The following KSR1 variants were observed in gnomAD, a reference collection of about 807,000 sequenced individuals.
The protein encoded by KSR1 is kinase suppressor of ras.
Under a neutral mutation model 92.9 loss-of-function variants are expected in KSR1, and 35 were observed. The observed-to-expected ratio is 0.38, with a 90% CI of 0.29 to 0.50. The LOEUF is 0.50. Among genes scored for constraint, KSR1 ranks in the 20% least tolerant of loss-of-function variants. The probability of loss-of-function intolerance (pLI) is 0.94; values close to 1 mark genes in which losing one functional copy is unlikely to be tolerated. For missense variants in KSR1, 972 were observed against 1,158.5 expected (o/e 0.84, Z 2.34); for synonymous variants, 467 against 472.6 (o/e 0.99, Z 0.15).
intron 1 of KSR1, among the ~76,000 whole-genome samples, chr17:27,498,908 T>C (rs2069084925): frequency 6.6e-6 from 1 of 152,168 alleles, no homozygotes; most frequent in African/African-American, 2.4e-5. Flanking sequence ...AAGGGCGGCA[T>C]GAGGCACTGA....
chr17:27,607,555 C>T (rs10853157), intron 14 of KSR1, among the ~76,000 whole-genome samples: 1 of 152,074 alleles, frequency 6.6e-6, no homozygotes, highest in South Asian at 2.1e-4. Context: ...CCTGTTGATG[C>T]CCTTAAATTA....
At chr17:27,460,032 G>A (rs1285421197) in intron 1 of KSR1, among the ~76,000 whole-genome samples, 3 of 152,114 alleles carry the variant, frequency 2.0e-5, no homozygotes. Context: ...AAGGGAGGGA[G>A]GCACAATTTG....
At chr17:27,590,696 G>C in intron 6 of KSR1, 115 bp from the exon 7 acceptor site, 3 of 906,428 alleles carry the variant, frequency 3.3e-6, no homozygotes, top group Non-Finnish European at 5.2e-6. Flanking sequence ...GGGCCAAGGG[G>C]CTCTGGGATG....
intron 1 of KSR1, among the ~76,000 whole-genome samples, chr17:27,503,359 C>T (rs2069258312): frequency 6.6e-6 from 1 of 152,092 alleles, no homozygotes; most frequent in African/African-American, 2.4e-5. Flanking sequence ...CACAGGACCT[C>T]CTGCAACAAA....
At chr17:27,602,376 A>T (rs1175101536) in intron 11 of KSR1, among the ~76,000 whole-genome samples, 1 of 152,220 alleles carries the variant, frequency 6.6e-6, no homozygotes, top group Non-Finnish European at 1.5e-5. Context: ...TCCCCTGGTT[A>T]CTAGCTCTAG....
intron 2 of KSR1, among the ~76,000 whole-genome samples, chr17:27,568,091 G>A (rs2072158214): frequency 6.6e-6 from 1 of 152,194 alleles, no homozygotes; most frequent in African/African-American, 2.4e-5. Context: ...TACTGCTGTG[G>A]GGCAGAAGTT....
chr17:27,623,466 C>T lies in KSR1; in HGVS notation c.*74C>T, dbSNP rs373275453. ...TTCTGAAACATCCCAACAACCACCA[C>T]GACAAAAAAACACTGCCTGCCCAGC... On this transcript the variant is annotated 3_prime_UTR_variant, in exon 21 of 21. Transcript: ENST00000644974. 9 of 707,410 alleles carry T rather than the reference C, an allele frequency of 1.3e-5. No homozygotes were observed. The highest frequency in any genetic ancestry group is 5.2e-5 in the East Asian group (2 of 38,190). 43.8% of individuals were successfully genotyped at this position (707,410 alleles called of 1,614,324 possible).
At chr17:27,509,449 C>T (rs2069516550) in intron 1 of KSR1, among the ~76,000 whole-genome samples, 1 of 152,088 alleles carries the variant, frequency 6.6e-6, no homozygotes, top group South Asian at 2.1e-4. Flanking sequence ...TGCCACCACG[C>T]CCGGCTATTT....
At chr17:27,615,421 A>G (rs2074031069) in intron 18 of KSR1, among the ~76,000 whole-genome samples, 1 of 152,188 alleles carries the variant, frequency 6.6e-6, no homozygotes, top group African/African-American at 2.4e-5. Context: ...AAGGCTCACA[A>G]TTTTGTTGGC....
intron 1 of KSR1, among the ~76,000 whole-genome samples, chr17:27,489,576 C>T (rs1362024317): frequency 3.3e-5 from 5 of 152,244 alleles, no homozygotes; most frequent in Admixed American, 1.3e-4. Flanking sequence ...TTCTTCCATC[C>T]GTGTGTACAA....
intron 1 of KSR1, among the ~76,000 whole-genome samples, chr17:27,484,768 G>A (rs1271300486): frequency 3.9e-5 from 6 of 152,216 alleles, no homozygotes; most frequent in African/African-American, 7.2e-5. Context: ...CAGAGGAGCC[G>A]AAGCTTGAAC....
intron 1 of KSR1, among the ~76,000 whole-genome samples, chr17:27,513,762 A>AGG (rs2069688301): frequency 6.6e-6 from 1 of 152,252 alleles, no homozygotes; most frequent in Non-Finnish European, 1.5e-5. Context: ...CCTGCAAGGC[A>AGG]GAATACGGGA....
At chr17:27,584,067 A>G (rs2072878172) in intron 4 of KSR1, 3 of 780,108 alleles carry the variant, frequency 3.8e-6, no homozygotes, top group Non-Finnish European at 4.7e-6. Context: ...TTTGTTACAA[A>G]GATTGCCCTT....
At chr17:27,616,803 T>C (rs972590480) in intron 18 of KSR1, among the ~76,000 whole-genome samples, 8 of 152,214 alleles carry the variant, frequency 5.3e-5, no homozygotes, top group African/African-American at 1.9e-4. Context: ...CTGGGGGCAG[T>C]CGGGACAGCT....
At chr17:27,591,046 G>A (rs2073150625) in intron 7 of KSR1, among the ~76,000 whole-genome samples, 152 bp downstream of exon 7, 1 of 152,224 alleles carries the variant, frequency 6.6e-6, no homozygotes, top group Non-Finnish European at 1.5e-5. Flanking sequence ...ACTCCTGGAA[G>A]AAGGGAATAC....
In KSR1 at chr17:27,610,139, C is replaced by T. The variant is rs772595394; in HGVS notation, c.2298C>T (p.Thr766=). The T allele has an allele frequency of 4.3e-6, 7 of 1,614,030 alleles. No homozygotes were observed. The highest frequency in any genetic ancestry group is 1.1e-5 in the South Asian group (1 of 91,080). The change falls in exon 17 of 21, where the codon ACC becomes ACT. Residue 766 remains threonine, a synonymous_variant. Transcript: ENST00000644974. ...YLAPEIVREM[T]PGKDEDQLPF... ...CCCCTGAGATTGTACGCGAGATGACCCCCGGGAAGGACGAGGATCAGCTGC... is the reference window on the plus strand; with the variant it reads ...CCCCTGAGATTGTACGCGAGATGACTCCCGGGAAGGACGAGGATCAGCTGC...
At chr17:27,596,710 CTG>C (rs2073355100) in intron 9 of KSR1, among the ~76,000 whole-genome samples, 2 of 152,222 alleles carry the variant, frequency 1.3e-5, no homozygotes, top group African/African-American at 4.8e-5. Context: ...AAGAAAAGGA[CTG>C]TACACCTCTC....
intron 1 of KSR1, among the ~76,000 whole-genome samples, chr17:27,460,047 C>T (rs779663686): frequency 2.0e-5 from 3 of 152,086 alleles, no homozygotes; most frequent in Non-Finnish European, 4.4e-5. Context: ...AATTTGAAAC[C>T]AGGGTATTAA....
intron 1 of KSR1, among the ~76,000 whole-genome samples, chr17:27,542,449 C>T (rs1049941316): frequency 3.3e-5 from 5 of 152,144 alleles, no homozygotes; most frequent in African/African-American, 7.2e-5. Context: ...TGGCAGCCAA[C>T]GACCAAAGTC....
Sources: gnomAD v4.1 joint callset for allele counts (sites outside exome capture counted in the v4.1 genomes callset) on GRCh38, gnomAD v4.1.1 for gene constraint, MANE v1.5 for transcripts, NCBI Gene and HGNC (gene_info 2026-07-23, HGNC 2026-07-21) for gene names.